Variants in PEAK1 observed in about 807,000 individuals in gnomAD.
PEAK1 encodes the protein inactive tyrosine-protein kinase PEAK1.
Under a neutral mutation model 124.7 loss-of-function variants are expected in PEAK1, and 54 were observed. That is an observed-to-expected ratio of 0.43 (90% CI 0.35 to 0.54). PEAK1 has a LOEUF of 0.54. PEAK1 is among the 20% of genes least tolerant of loss of function. The probability of loss-of-function intolerance (pLI) is 0.01; values close to 1 mark genes in which losing one functional copy is unlikely to be tolerated. For synonymous variants in PEAK1, 719 were observed against 760.0 expected, an observed-to-expected ratio of 0.95 and a Z score of 0.89; for missense variants, 2,046 against 2,134.5, an observed-to-expected ratio of 0.96 and a Z score of 0.82.
intron 2 of PEAK1, among the ~76,000 whole-genome samples, chr15:77,313,230 G>A (rs2064591393): frequency 6.6e-6 from 1 of 152,062 alleles, no homozygotes; most frequent in African/African-American, 2.4e-5. Context: ...GGAGGCAACT[G>A]AAAGAACTTC....
intron 5 of PEAK1, among the ~76,000 whole-genome samples, chr15:77,272,312 T>C (rs2062079349): frequency 1.3e-5 from 2 of 151,856 alleles, no homozygotes; most frequent in Non-Finnish European, 1.5e-5. Flanking sequence ...AAAAGATAAA[T>C]ACAACAAAAA....
chr15:77,181,228 G>A lies in PEAK1; in HGVS notation c.699C>T (p.Gly233=), dbSNP rs140531796. ...GRFCYPEFSS[G]EESEEDVLFS... Reference sequence around the variant, plus strand: ...AAAGTACATCCTCTTCACTCTCCTCGCCACTGGAAAACTCTGGGTAACAGA... The same window carrying A: ...AAAGTACATCCTCTTCACTCTCCTCACCACTGGAAAACTCTGGGTAACAGA... Residue 233 remains glycine, a synonymous_variant, in exon 7 of 10, where the codon GGC becomes GGT. Coordinates refer to ENST00000682557, the MANE Select transcript of PEAK1 (RefSeq NM_001385026.1). 9.9e-4 allele frequency: 1,596 copies of A among 1,613,634 alleles called. 1 individual carries two copies. The highest frequency in any genetic ancestry group is 1.6e-3 in the Middle Eastern group (10 of 6,062).
At chr15:77,361,901 GA>G (rs887301646) in intron 2 of PEAK1, among the ~76,000 whole-genome samples, 19 of 143,548 alleles carry the variant, frequency 1.3e-4, no homozygotes, top group African/African-American at 1.3e-4. Flanking sequence ...TAGTCATGAA[GA>G]AAAAAAAAAA....
chr15:77,210,150 TCC>T (rs1365575786), intron 6 of PEAK1, among the ~76,000 whole-genome samples: 33 of 152,326 alleles, frequency 2.2e-4, no homozygotes, highest in Middle Eastern at 3.4e-3. Context: ...ATGGTAACTA[TCC>T]TTATATTTAC....
chr15:77,315,623 AT>A (rs1380665594), intron 2 of PEAK1, among the ~76,000 whole-genome samples: 1 of 151,676 alleles, frequency 6.6e-6, no homozygotes, highest in African/African-American at 2.4e-5. Context: ...AGTAAAAAAA[AT>A]AAAAATAAAA....
At chr15:77,307,600 C>A (rs1199885449) in intron 2 of PEAK1, among the ~76,000 whole-genome samples, 1 of 152,048 alleles carries the variant, frequency 6.6e-6, no homozygotes, top group Non-Finnish European at 1.5e-5. Context: ...ATGCTAACTA[C>A]CTCCTCTAGG....
chr15:77,247,485 C>CAT (rs559684791), intron 6 of PEAK1, among the ~76,000 whole-genome samples: 1 of 84,310 alleles, frequency 1.2e-5, no homozygotes, highest in Non-Finnish European at 2.1e-5. Flanking sequence ...CTTTTCTTTT[C>CAT]TTTTTTTTTT....
chr15:77,409,343 A>G (rs914247598), intron 1 of PEAK1, among the ~76,000 whole-genome samples: 14 of 152,226 alleles, frequency 9.2e-5, no homozygotes, highest in African/African-American at 3.4e-4. Context: ...TGAGCTCATT[A>G]AAAACCCTCT....
chr15:77,263,277 C>G (rs12911742), intron 5 of PEAK1, among the ~76,000 whole-genome samples: 54,751 of 151,740 alleles, frequency 0.36, 10,037 homozygotes, highest in Non-Finnish European at 0.38. Flanking sequence ...AGGAAATAGA[C>G]ACATAAAAAA....
chr15:77,270,043 T>G (rs1597029514), intron 5 of PEAK1, among the ~76,000 whole-genome samples: 2 of 152,194 alleles, frequency 1.3e-5, no homozygotes, highest in Non-Finnish European at 2.9e-5. Flanking sequence ...AGATAGTTTG[T>G]TATAATTTCT....
At chr15:77,172,656 A>G (rs1247757675) in intron 7 of PEAK1, among the ~76,000 whole-genome samples, 5 of 152,176 alleles carry the variant, frequency 3.3e-5, no homozygotes, top group African/African-American at 9.7e-5. Flanking sequence ...AAACCATCAT[A>G]CTTTGTTACA....
chr15:77,402,374 T>C, intron 1 of PEAK1: 4 of 985,380 alleles, frequency 4.1e-6, no homozygotes, highest in Non-Finnish European at 3.6e-6. Context: ...TTCTCCTCTT[T>C]AAATGAGACC....
rs555504140 is a variant in PEAK1, at chr15:77,239,881, G to A, written c.-115+12486C>T. On this transcript the variant is annotated intron_variant, in intron 6 of 9. Coordinates refer to ENST00000682557, the MANE Select transcript of PEAK1 (RefSeq NM_001385026.1). ...CAATTCCACATTTCCAAATTTGAGAGAGTAAAATCTGTCAATAATAATGGC... is the reference window on the plus strand; with the variant it reads ...CAATTCCACATTTCCAAATTTGAGAAAGTAAAATCTGTCAATAATAATGGC... 5.1e-6 allele frequency: 5 copies of A among 981,434 alleles called. No individual in the cohort carries two copies. In the South Asian group the frequency reaches 1.9e-4, roughly 37 times the overall value. The allele number at this position is 981,434 out of a possible 1,614,324, so 60.8% of individuals were successfully genotyped here.
At chr15:77,282,584 A>C (rs943296247) in intron 5 of PEAK1, among the ~76,000 whole-genome samples, 1 of 152,198 alleles carries the variant, frequency 6.6e-6, no homozygotes, top group African/African-American at 2.4e-5. Flanking sequence ...CTAGATCAGG[A>C]ATTCTTTAAG....
At chr15:77,420,618 T>C (rs1200265413), upstream of PEAK1, 1 of 333,870 alleles carries the variant, frequency 3.0e-6, no homozygotes, top group East Asian at 4.1e-5. Context: ...CTGCGGGCCT[T>C]CGCAATAAAA....
intron 9 of PEAK1, among the ~76,000 whole-genome samples, chr15:77,128,373 G>A (rs2152733137): frequency 6.6e-6 from 1 of 152,344 alleles, no homozygotes; most frequent in South Asian, 2.1e-4. Context: ...GAATGATCCT[G>A]AAAGTGATAC....
In PEAK1 at chr15:77,381,217, C is replaced by A. The variant is rs146782537; in HGVS notation, c.-665-15992G>T. 1,038 of 982,930 alleles carry A rather than the reference C, an allele frequency of 1.1e-3. 17 individuals are homozygous for A. The African/African-American group carries it at 0.017, about 16-fold the overall frequency. The allele number at this position is 982,930 out of a possible 1,614,324, so 60.9% of individuals were successfully genotyped here. On this transcript the variant is annotated intron_variant, in intron 1 of 9. Coordinates refer to ENST00000682557, the MANE Select transcript of PEAK1 (RefSeq NM_001385026.1). ...GACTACAGTTGGGAGACAATGGAAG[C>A]AAGGAAACCAACTCAACATGACATA...
chr15:77,402,148 A>G, intron 1 of PEAK1: 1 of 945,478 alleles, frequency 1.1e-6, no homozygotes, highest in Non-Finnish European at 1.2e-6. Context: ...GTAGTGAGCC[A>G]AGAGGGACAC....
At chr15:77,393,887 G>A (rs2070689305) in intron 1 of PEAK1, among the ~76,000 whole-genome samples, 5 of 152,174 alleles carry the variant, frequency 3.3e-5, no homozygotes, top group Admixed American at 3.3e-4. Context: ...TGGGCCAGAG[G>A]GGAGCCCACT....
Sources: allele counts gnomAD v4.1 joint callset (sites outside exome capture counted in the v4.1 genomes callset), GRCh38; gene constraint gnomAD v4.1.1; transcripts MANE v1.5; gene names NCBI Gene and HGNC (gene_info 2026-07-23, HGNC 2026-07-21).